SH3PXD2B: variants seen among roughly 807,000 people sequenced by gnomAD.
The protein encoded by SH3PXD2B is SH3 and PX domains 2B.
SH3PXD2B carries 37 observed loss-of-function variants against 73.1 expected under a neutral mutation model. That is an observed-to-expected ratio of 0.51 (90% CI 0.39 to 0.67). The LOEUF is 0.67. SH3PXD2B is among the 30% of genes least tolerant of loss of function. The pLI, the probability that SH3PXD2B is intolerant of heterozygous loss-of-function variation, is 0.00. For synonymous variants in SH3PXD2B, 457 were observed against 480.5 expected, an observed-to-expected ratio of 0.95 and a Z score of 0.64; for missense variants, 1,053 against 1,197.8, an observed-to-expected ratio of 0.88 and a Z score of 1.78.
downstream of SH3PXD2B, among the ~76,000 whole-genome samples, chr5:172,329,022 T>TAC (rs1756497664): frequency 2.3e-5 from 2 of 85,354 alleles, no homozygotes; most frequent in South Asian, 1.6e-3. Context: ...TATATACATA[T>TAC]ATACATATAC....
At chr5:172,381,645 G>A (rs547693148) in intron 5 of SH3PXD2B, among the ~76,000 whole-genome samples, 2 of 152,174 alleles carry the variant, frequency 1.3e-5, no homozygotes, top group South Asian at 2.1e-4. Context: ...TGGGGTCTTC[G>A]TTGGTTTGGG....
At chr5:172,443,740 G>A (rs1044404712) in intron 1 of SH3PXD2B, among the ~76,000 whole-genome samples, 1 of 152,236 alleles carries the variant, frequency 6.6e-6, no homozygotes, top group Non-Finnish European at 1.5e-5. Context: ...AAATGGTGAC[G>A]CCAACGCGTG....
downstream of SH3PXD2B, among the ~76,000 whole-genome samples, chr5:172,330,324 T>A (rs1463042052): frequency 6.6e-6 from 1 of 152,144 alleles, no homozygotes; most frequent in Non-Finnish European, 1.5e-5. Flanking sequence ...TTGCAGTGAG[T>A]TACAAACAGA....
rs879466946 is a variant in SH3PXD2B, at chr5:172,372,322, T to G, written c.427+1468A>C. Among the ~76,000 whole-genome samples the G allele has an allele frequency of 3.3e-5, 5 of 152,032 alleles. No individual in the cohort carries two copies. The South Asian group carries it at 6.2e-4, about 19-fold the overall frequency. ...CAGGAGATCTGGTTGTTTAAAAGTG[T>G]GTAGCACTGCCCCTCTCTCTCTTGG... On this transcript the variant is annotated intron_variant, in intron 6 of 12. Transcript: ENST00000311601.
At chr5:172,343,154 T>C (rs1025688081) in intron 12 of SH3PXD2B, among the ~76,000 whole-genome samples, 1 of 152,350 alleles carries the variant, frequency 6.6e-6, no homozygotes. Flanking sequence ...AGGCAGCACT[T>C]AATGAGTCCC....
intron 1 of SH3PXD2B, among the ~76,000 whole-genome samples, chr5:172,444,919 A>C (rs1487371343): frequency 6.6e-6 from 1 of 152,128 alleles, no homozygotes; most frequent in Non-Finnish European, 1.5e-5. Context: ...TGTGGTTCTC[A>C]GGTCAGCCAG....
At position 172,445,597 on chromosome 5, in the gene SH3PXD2B, G is replaced by A. The variant is rs1759642945; in HGVS notation, c.75+8681C>T. ...TGCCAGATAAAGAATAGGATGACCA[G>A]TAAAATCTGAATTTCGGATAAACAA... On this transcript the variant is annotated intron_variant, in intron 1 of 12. Transcript: ENST00000311601. This position sits in a 1 kb window ranked among gnomAD's most constrained non-coding sequence, Gnocchi z 5.2. Among the ~76,000 whole-genome samples, 1 of 152,218 alleles carries A rather than the reference G, an allele frequency of 6.6e-6. No individual in the cohort carries two copies. Among genetic ancestry groups the A allele is most frequent in the East Asian group, 1.9e-4 (1 of 5,202 alleles).
chr5:172,401,886 T>G (rs2082409), intron 3 of SH3PXD2B, among the ~76,000 whole-genome samples: 69,373 of 151,910 alleles, frequency 0.46, 16,476 homozygotes, highest in East Asian at 0.69. Context: ...TGAGGATGTA[T>G]GTCGCCTCAG....
intron 3 of SH3PXD2B, among the ~76,000 whole-genome samples, chr5:172,400,477 A>T (rs1758400414): frequency 6.6e-6 from 1 of 151,800 alleles, no homozygotes; most frequent in African/African-American, 2.4e-5. Context: ...TGGGAAGATA[A>T]AGGCATTACC....
intron 3 of SH3PXD2B, among the ~76,000 whole-genome samples, chr5:172,395,854 G>A (rs1758282195): frequency 1.3e-5 from 2 of 152,064 alleles, no homozygotes; most frequent in African/African-American, 4.8e-5. Context: ...GGTGTGGGAG[G>A]ACCAAAGCTG....
chr5:172,365,001 G>A (rs1420404166), intron 6 of SH3PXD2B, among the ~76,000 whole-genome samples: 1 of 152,156 alleles, frequency 6.6e-6, no homozygotes, highest in Non-Finnish European at 1.5e-5. Context: ...GCAGAATAGG[G>A]CATTGTAGCT....
At chr5:172,432,905 C>CT (rs1048115333) in intron 1 of SH3PXD2B, among the ~76,000 whole-genome samples, 21 of 94,006 alleles carry the variant, frequency 2.2e-4, no homozygotes, top group Non-Finnish European at 2.8e-4. Flanking sequence ...GAGTGAAACT[C>CT]TGTCTGTCTC....
At chr5:172,424,845 G>A (rs547083824) in intron 1 of SH3PXD2B, among the ~76,000 whole-genome samples, 22 of 152,324 alleles carry the variant, frequency 1.4e-4, no homozygotes, top group African/African-American at 4.6e-4. Flanking sequence ...AAAGCTCTGA[G>A]CACCTTGCCA....
In SH3PXD2B at chr5:172,346,027, C is replaced by T. The variant is rs528582887; in HGVS notation, c.1188+109G>A. The T allele has an allele frequency of 5.3e-5, 82 of 1,552,490 alleles. No individual in the cohort carries two copies. The African/African-American group carries it at 5.7e-4, about 11-fold the overall frequency. ...TGTGAACCATAAAGCTGTTAATCTC[C>T]GCCCCACCTCCACCCACCCAGTGAA... On this transcript the variant is annotated intron_variant, in intron 12 of 12. Coordinates refer to ENST00000311601, the MANE Select transcript of SH3PXD2B (RefSeq NM_001017995.3).
chr5:172,335,549 A>C lies in SH3PXD2B; in HGVS notation c.*2820T>G. 8.1e-7 allele frequency: 1 copy of C among 1,231,752 alleles called. No homozygotes were observed. Among genetic ancestry groups the C allele is most frequent in the Non-Finnish European group, 1.0e-6 (1 of 987,976 alleles). The allele number at this position is 1,231,752 out of a possible 1,614,324, so 76.3% of individuals were successfully genotyped here. A position where few individuals can be genotyped will look rare whatever the true frequency, so the allele number is the denominator to read the frequency against. On this transcript the variant is annotated 3_prime_UTR_variant, in exon 13 of 13. Transcript: ENST00000311601. ...GATCAGGGCTGGTCCTATCCGCCTC[A>C]CAGGCTTGCCGTAAGGATTAAAGGA...
At chr5:172,417,463 C>G (rs1196239904) in intron 2 of SH3PXD2B, among the ~76,000 whole-genome samples, 2 of 152,224 alleles carry the variant, frequency 1.3e-5, no homozygotes, top group Non-Finnish European at 2.9e-5. Context: ...ACACCTGAAG[C>G]CAATTTCCTT....
chr5:172,392,086 GT>G (rs1332876100), intron 4 of SH3PXD2B, among the ~76,000 whole-genome samples: 1 of 150,368 alleles, frequency 6.7e-6, no homozygotes, highest in Admixed American at 6.6e-5. Flanking sequence ...GGGTTATAGT[GT>G]TTTGCTCTCC....
At chr5:172,426,185 A>C (rs1345966833) in intron 1 of SH3PXD2B, among the ~76,000 whole-genome samples, 1 of 152,216 alleles carries the variant, frequency 6.6e-6, no homozygotes, top group African/African-American at 2.4e-5. Flanking sequence ...TAATTGGTTT[A>C]TTGGAATCAA....
intron 8 of SH3PXD2B, among the ~76,000 whole-genome samples, chr5:172,357,720 C>T (rs979078583): frequency 6.6e-6 from 1 of 152,164 alleles, no homozygotes; most frequent in Non-Finnish European, 1.5e-5. Flanking sequence ...CAGTGCCTGG[C>T]GGGCCTCACA....
Sources: gnomAD v4.1 joint callset for allele counts (sites outside exome capture counted in the v4.1 genomes callset) on GRCh38, gnomAD v4.1.1 for gene constraint, Gnocchi (gnomAD v3.1) non-coding constraint, MANE v1.5 for transcripts, NCBI Gene and HGNC (gene_info 2026-07-23, HGNC 2026-07-21) for gene names.